The following PRR16 variants were observed in gnomAD, a reference collection of about 807,000 sequenced individuals.
PRR16 encodes protein Largen.
Under a neutral mutation model 18.2 loss-of-function variants are expected in PRR16, and 6 were observed. The observed-to-expected ratio is 0.33, with a 90% CI of 0.18 to 0.65. PRR16 has a LOEUF of 0.65. PRR16 is among the 30% of genes least tolerant of loss of function. The probability of loss-of-function intolerance (pLI) is 0.74; values close to 1 mark genes in which losing one functional copy is unlikely to be tolerated. For missense variants in PRR16, 412 were observed against 376.6 expected (o/e 1.09, Z -0.78); for synonymous variants, 151 against 147.8 (o/e 1.02, Z -0.16).
At chr5:120,743,883 G>C in the PRR16 span, among the ~76,000 whole-genome samples, 2 of 151,680 alleles carry the variant, frequency 1.3e-5, no homozygotes, top group Admixed American at 1.3e-4. Flanking sequence ...TTTCCTATTT[G>C]TTAGTGAATC....
chr5:120,608,253 TC>T (rs1234317157), intron 1 of PRR16, among the ~76,000 whole-genome samples: 2 of 152,206 alleles, frequency 1.3e-5, no homozygotes, highest in African/African-American at 4.8e-5. Flanking sequence ...TCCATTTTTT[TC>T]GTTGCTCTTG....
At chr5:120,773,022 T>C in the PRR16 span, among the ~76,000 whole-genome samples, 1 of 152,154 alleles carries the variant, frequency 6.6e-6, no homozygotes, top group Non-Finnish European at 1.5e-5. Flanking sequence ...GTAAGTATAC[T>C]ATATTATATA....
chr5:120,699,286 G>C, the PRR16 span, among the ~76,000 whole-genome samples: 3 of 152,188 alleles, frequency 2.0e-5, no homozygotes, highest in Non-Finnish European at 2.9e-5. Flanking sequence ...TTGTACTATA[G>C]CATAACCTGT....
chr5:120,595,004 A>G (rs35879493), intron 1 of PRR16, among the ~76,000 whole-genome samples: 14,388 of 151,966 alleles, frequency 0.095, 1,438 homozygotes, highest in African/African-American at 0.26. Context: ...TATAAAAACC[A>G]TGGAAGATAA....
At chr5:120,698,138 C>T in the PRR16 span, among the ~76,000 whole-genome samples, 31 of 152,008 alleles carry the variant, frequency 2.0e-4, no homozygotes, top group Non-Finnish European at 2.2e-4. Flanking sequence ...AGAGAATGGC[C>T]GATGTTTCTC....
chr5:120,770,936 TCTCTCTCTCTCTCTCA>T, the PRR16 span, among the ~76,000 whole-genome samples: 2 of 149,562 alleles, frequency 1.3e-5, no homozygotes, highest in Non-Finnish European at 3.0e-5. Context: ...ACTCTCTCTC[TCTCTCTCTCTCTCTCA>T]CACACACACA....
At chr5:120,786,449 C>T in the PRR16 span, among the ~76,000 whole-genome samples, 1 of 150,960 alleles carries the variant, frequency 6.6e-6, no homozygotes, top group Non-Finnish European at 1.5e-5. Flanking sequence ...ATTTTGGTCT[C>T]TTAACAGTTA....
chr5:120,738,817 A>G, the PRR16 span, among the ~76,000 whole-genome samples: 1 of 152,140 alleles, frequency 6.6e-6, no homozygotes, highest in Non-Finnish European at 1.5e-5. Context: ...GCAAGAGGCT[A>G]TTTAGCAAAT....
the PRR16 span, among the ~76,000 whole-genome samples, chr5:120,727,106 G>A: frequency 7.1e-4 from 108 of 151,876 alleles, no homozygotes; most frequent in African/African-American, 2.6e-3. Context: ...TTTCTGTCCC[G>A]AAATTTTCTC....
At chr5:120,612,707 A>G (rs960135283) in intron 1 of PRR16, among the ~76,000 whole-genome samples, 1 of 152,192 alleles carries the variant, frequency 6.6e-6, no homozygotes, top group African/African-American at 2.4e-5. Flanking sequence ...CTTTACCGGC[A>G]GCATGAAAAC....
At chr5:120,718,925 T>C in the PRR16 span, among the ~76,000 whole-genome samples, 1 of 152,024 alleles carries the variant, frequency 6.6e-6, no homozygotes, top group South Asian at 2.1e-4. Context: ...GGAAAGCTAC[T>C]GGGGCTCTCA....
the PRR16 span, among the ~76,000 whole-genome samples, chr5:120,750,132 A>G: frequency 6.6e-6 from 1 of 152,144 alleles, no homozygotes; most frequent in Non-Finnish European, 1.5e-5. Context: ...TGAGTGTAAT[A>G]TTTTTGTGGG....
the PRR16 span, among the ~76,000 whole-genome samples, chr5:120,788,510 T>G: frequency 1.3e-5 from 2 of 152,130 alleles, no homozygotes; most frequent in Non-Finnish European, 2.9e-5. Context: ...ATTGTGGGAC[T>G]ATTGCTTGTT....
At chr5:120,703,247 A>C in the PRR16 span, among the ~76,000 whole-genome samples, 1 of 152,170 alleles carries the variant, frequency 6.6e-6, no homozygotes, top group African/African-American at 2.4e-5. Flanking sequence ...CACTTAAGGC[A>C]AGGACTAGCC....
intron 1 of PRR16, among the ~76,000 whole-genome samples, chr5:120,547,274 C>T (rs751206614): frequency 4.6e-5 from 7 of 152,086 alleles, no homozygotes; most frequent in Non-Finnish European, 5.9e-5. Flanking sequence ...TTCTAAAGAG[C>T]CCAAACCATT....
the PRR16 span, among the ~76,000 whole-genome samples, chr5:120,759,672 T>TA: frequency 6.6e-6 from 1 of 152,142 alleles, no homozygotes; most frequent in Admixed American, 6.5e-5. Context: ...CCTTAGTGTA[T>TA]ACAAATTAAA....
At chr5:120,474,056 G>T (rs1322738424) in intron 1 of PRR16, among the ~76,000 whole-genome samples, 4 of 152,144 alleles carry the variant, frequency 2.6e-5, no homozygotes, top group Non-Finnish European at 5.9e-5. Flanking sequence ...TGCATTTGCA[G>T]CAGAACAAGG....
chr5:120,642,865 G>C (rs6871029), intron 1 of PRR16, among the ~76,000 whole-genome samples: 1,843 of 152,046 alleles, frequency 0.012, 47 homozygotes, highest in African/African-American at 0.042. Flanking sequence ...ATATTGTTTT[G>C]TAACTCTGTC....
the PRR16 span, among the ~76,000 whole-genome samples, chr5:120,731,465 A>G: frequency 6.6e-6 from 1 of 152,106 alleles, no homozygotes; most frequent in Non-Finnish European, 1.5e-5. Context: ...GTCCACATTC[A>G]GTGATATTAT....
Sources: allele counts gnomAD v4.1 joint callset (sites outside exome capture counted in the v4.1 genomes callset), GRCh38; gene constraint gnomAD v4.1.1; transcripts MANE v1.5; gene names NCBI Gene and HGNC (gene_info 2026-07-23, HGNC 2026-07-21).